The following SOX5 variants were observed in gnomAD, a reference collection of about 807,000 sequenced individuals.
SOX5 encodes transcription factor SOX-5.
A neutral mutation model predicts 92.0 loss-of-function variants in SOX5; 9 were observed. That is an observed-to-expected ratio of 0.10 (90% confidence interval 0.06 to 0.17). The LOEUF (loss-of-function observed/expected upper bound fraction) is 0.17. Among genes scored for constraint, SOX5 ranks in the 10% least tolerant of loss-of-function variants. The pLI, the probability that SOX5 is intolerant of heterozygous loss-of-function variation, is 1.00. For synonymous variants in SOX5, 344 were observed against 336.3 expected (o/e 1.02, Z -0.25); for missense variants, 642 against 944.5 (o/e 0.68, Z 4.20).
At chr12:24,268,356 G>C (rs1250102907) in intron 3 of SOX5, among the ~76,000 whole-genome samples, 2 of 152,064 alleles carry the variant, frequency 1.3e-5, no homozygotes, top group African/African-American at 4.8e-5. Flanking sequence ...TATTCCTTTA[G>C]CCTGCTTTGC....
intron 4 of SOX5, among the ~76,000 whole-genome samples, chr12:24,206,940 C>CGAACACCTGTGTCA (rs1958081943): frequency 6.6e-6 from 1 of 152,130 alleles, no homozygotes; most frequent in Non-Finnish European, 1.5e-5. Flanking sequence ...GCAACTGTGC[C>CGAACACCTGTGTCA]GAACACCTGT....
At chr12:24,190,380 C>T (rs1956405347) in intron 4 of SOX5, among the ~76,000 whole-genome samples, 1 of 152,164 alleles carries the variant, frequency 6.6e-6, no homozygotes, top group South Asian at 2.1e-4. Context: ...ATATCAGATG[C>T]AATAGATGCA....
At chr12:24,546,049 G>T (rs1376399068) in intron 1 of SOX5, among the ~76,000 whole-genome samples, 1 of 152,114 alleles carries the variant, frequency 6.6e-6, no homozygotes, top group African/African-American at 2.4e-5. Flanking sequence ...GTAGGTCTCC[G>T]GGAAACTCTG....
intron 3 of SOX5, among the ~76,000 whole-genome samples, chr12:23,842,866 G>T (rs1031210981): frequency 6.6e-6 from 1 of 152,088 alleles, no homozygotes; most frequent in African/African-American, 2.4e-5. Context: ...TCCCTATTCC[G>T]TAAGTGTGGC....
chr12:24,357,033 T>A (rs1954923064), intron 2 of SOX5, among the ~76,000 whole-genome samples: 1 of 152,200 alleles, frequency 6.6e-6, no homozygotes, highest in African/African-American at 2.4e-5. Flanking sequence ...CTTCTTTCAT[T>A]CTTATTTGCA....
intron 6 of SOX5, among the ~76,000 whole-genome samples, chr12:23,668,760 A>G (rs1179807998): frequency 1.3e-5 from 2 of 152,288 alleles, no homozygotes; most frequent in East Asian, 1.9e-4. Context: ...CATAATACAC[A>G]TAAGAGGCTA....
At chr12:23,748,445 T>G (rs972578111) in intron 4 of SOX5, among the ~76,000 whole-genome samples, 1 of 151,886 alleles carries the variant, frequency 6.6e-6, no homozygotes, top group African/African-American at 2.4e-5. Context: ...TACATGAAAA[T>G]TGCTATTTCC....
At chr12:23,651,326 T>G (rs1296348031) in intron 7 of SOX5, among the ~76,000 whole-genome samples, 3 of 152,152 alleles carry the variant, frequency 2.0e-5, no homozygotes, top group East Asian at 3.9e-4. Flanking sequence ...TTTTTTAAAC[T>G]GGCCAGGATT....
chr12:24,125,944 G>C (rs554617523), intron 4 of SOX5, among the ~76,000 whole-genome samples: 1 of 152,150 alleles, frequency 6.6e-6, no homozygotes, highest in Non-Finnish European at 1.5e-5. Flanking sequence ...TTTCAGATCC[G>C]TATCTTGCTT....
intron 7 of SOX5, among the ~76,000 whole-genome samples, chr12:23,649,286 A>G (rs184948996): frequency 8.5e-5 from 13 of 152,226 alleles, no homozygotes; most frequent in African/African-American, 2.9e-4. Context: ...TGTAAGAAAA[A>G]AAAAAGAGTT....
At chr12:23,996,753 T>C (rs974474131) in intron 4 of SOX5, among the ~76,000 whole-genome samples, 3 of 152,202 alleles carry the variant, frequency 2.0e-5, no homozygotes, top group Non-Finnish European at 2.9e-5. Context: ...ATTCTATTTA[T>C]ATGAAATACA....
intron 4 of SOX5, among the ~76,000 whole-genome samples, chr12:23,963,559 TAAC>T (rs1044804366): frequency 1.3e-5 from 2 of 152,110 alleles, no homozygotes; most frequent in Non-Finnish European, 2.9e-5. Context: ...CAGGTTAATT[TAAC>T]AACCTGACTT....
intron 2 of SOX5, among the ~76,000 whole-genome samples, chr12:24,329,088 T>C (rs1951018951): frequency 6.6e-6 from 1 of 152,220 alleles, no homozygotes; most frequent in Non-Finnish European, 1.5e-5. Flanking sequence ...TTATAGGTCA[T>C]ATACTAAAAT....
rs766516041 is a variant in SOX5, at chr12:24,512,826, G to C, written c.-251+49503C>G. On this transcript the variant is annotated intron_variant, in intron 1 of 4. Transcript: ENST00000446891. ...AAAGTCAAGGAGAACCTGTCAACCAGGGACTATAATCCATCCAGTCTTTTG... is the reference window on the plus strand; with the variant it reads ...AAAGTCAAGGAGAACCTGTCAACCACGGACTATAATCCATCCAGTCTTTTG... Among the ~76,000 whole-genome samples the C allele has an allele frequency of 3.9e-5, 6 of 152,262 alleles. No homozygotes were observed. In the South Asian group the frequency reaches 1.2e-3, roughly 32 times the overall value.
At chr12:23,946,739 T>C (rs1267606438) in intron 1 of SOX5, among the ~76,000 whole-genome samples, 2 of 151,982 alleles carry the variant, frequency 1.3e-5, no homozygotes, top group Non-Finnish European at 2.9e-5. Context: ...TAGAAGACTT[T>C]CCTTACAAAT....
chr12:24,373,221 T>C (rs144421311), intron 1 of SOX5, among the ~76,000 whole-genome samples: 287 of 152,326 alleles, frequency 1.9e-3, no homozygotes, highest in Middle Eastern at 0.014. Flanking sequence ...CTTCCAGTAG[T>C]TTTTCTAGAA....
chr12:23,582,299 A>G, intron 9 of SOX5: 1 of 984,880 alleles, frequency 1.0e-6, no homozygotes, highest in Middle Eastern at 5.2e-4. Context: ...TAGAAGAAAC[A>G]AAACAAACAA....
At chr12:24,001,374 G>A (rs976470939) in intron 4 of SOX5, among the ~76,000 whole-genome samples, 2 of 151,936 alleles carry the variant, frequency 1.3e-5, no homozygotes, top group Non-Finnish European at 2.9e-5. Context: ...TTACAAGCAT[G>A]AGCCACCAAA....
chr12:24,513,337 T>C (rs562930026), intron 1 of SOX5, among the ~76,000 whole-genome samples: 1 of 152,334 alleles, frequency 6.6e-6, no homozygotes, highest in East Asian at 1.9e-4. Flanking sequence ...CTGGTGTCTT[T>C]CTTAGGTACT....
Sources: allele counts gnomAD v4.1 joint callset (sites outside exome capture counted in the v4.1 genomes callset), GRCh38; gene constraint gnomAD v4.1.1; transcripts MANE v1.5; gene names NCBI Gene and HGNC (gene_info 2026-07-23, HGNC 2026-07-21).